Variants in COL24A1 observed in about 807,000 individuals in gnomAD.
COL24A1 encodes the protein collagen type XXIV alpha 1 chain.
Under a neutral mutation model 253.9 loss-of-function variants are expected in COL24A1, and 224 were observed. The ratio of observed to expected loss-of-function variants is 0.88; its 90% CI spans 0.79 to 0.99. COL24A1 has a LOEUF of 0.99. Among genes scored for constraint, COL24A1 ranks in the 50% least tolerant of loss-of-function variants. The probability of loss-of-function intolerance (pLI) is 0.00; values close to 1 mark genes in which losing one functional copy is unlikely to be tolerated. For missense variants in COL24A1, 2,131 were observed against 2,068.5 expected, an observed-to-expected ratio of 1.03 and a Z score of -0.59; for synonymous variants, 685 against 673.7, an observed-to-expected ratio of 1.02 and a Z score of -0.26.
chr1:85,745,588 A>C, intron 55 of COL24A1, 82 bp from the exon 56 acceptor site: 1 of 969,934 alleles, frequency 1.0e-6, no homozygotes, highest in Non-Finnish European at 1.6e-6. Flanking sequence ...TTCTGAAAGC[A>C]CTGCTGTTAA....
In COL24A1 at chr1:85,868,510, AG is replaced by A. The variant is rs761095907; in HGVS notation, c.3300+8del. 7 of 1,600,500 alleles carry A rather than the reference AG, an allele frequency of 4.4e-6. No individual in the cohort carries two copies. Among genetic ancestry groups the A allele is most frequent in the Non-Finnish European group, 6.0e-6 (7 of 1,167,754 alleles). ...CTTAGTATTTGAAAGTGAACCCAGC[AG>A]TACTTACCGGAAGGCCTGTTTGGCC... is the stretch of plus-strand genomic sequence containing the variant. On this transcript the variant is annotated splice_region_variant and intron_variant, in intron 37 of 59. Transcript: ENST00000370571.
At chr1:85,947,230 G>A (rs964156320) in intron 24 of COL24A1, among the ~76,000 whole-genome samples, 8 of 152,156 alleles carry the variant, frequency 5.3e-5, no homozygotes, top group African/African-American at 1.7e-4. Flanking sequence ...GAACTCAACT[G>A]ATCCTAGTTG....
chr1:85,846,214 T>C (rs954196735), intron 39 of COL24A1, among the ~76,000 whole-genome samples: 1 of 151,744 alleles, frequency 6.6e-6, no homozygotes, highest in Non-Finnish European at 1.5e-5. Flanking sequence ...CTACACCTTA[T>C]ATAAAAAAAT....
At chr1:85,858,641 TTCCTTCCTTCCTTCCTTCC>T in intron 37 of COL24A1, among the ~76,000 whole-genome samples, 1 of 146,908 alleles carries the variant, frequency 6.8e-6, no homozygotes, top group African/African-American at 2.5e-5. Context: ...CCTTCCTTCC[TTCCTTCCTTCCTTCCTTCC>T]TTCCTTCCTT....
intron 10 of COL24A1, among the ~76,000 whole-genome samples, chr1:86,052,918 G>A (rs1031660101): frequency 6.6e-6 from 1 of 151,854 alleles, no homozygotes; most frequent in South Asian, 2.1e-4. Context: ...GTTTTTCCTT[G>A]TCAAAGGTGC....
intron 32 of COL24A1, among the ~76,000 whole-genome samples, chr1:85,885,050 A>T (rs1682316181): frequency 6.6e-6 from 1 of 151,976 alleles, no homozygotes; most frequent in African/African-American, 2.4e-5. Flanking sequence ...CTGTCTCTCC[A>T]TTTTGGGGGC....
At chr1:85,893,254 A>G (rs1210944618) in intron 31 of COL24A1, among the ~76,000 whole-genome samples, 1 of 151,886 alleles carries the variant, frequency 6.6e-6, no homozygotes, top group Non-Finnish European at 1.5e-5. Context: ...TAGTATTACC[A>G]GGAGTAAAAA....
chr1:85,971,379 A>G lies in COL24A1; in HGVS notation c.2379T>C (p.Asn793=), dbSNP rs1327806742. Residue 793 remains asparagine (N), a synonymous_variant, in exon 21 of 60, where the codon AAT becomes AAC. Coordinates refer to ENST00000370571, the MANE Select transcript of COL24A1 (RefSeq NM_152890.7). ...GACCAGGAGGTCCAGGAGGTCCTCT[A>G]TTTCCAAGGAGTCCCTATAAAAGCA... is the stretch of plus-strand genomic sequence containing the variant. ...GPEGPKGLLG[N]RGPPGPPGLK... is the part of the protein sequence containing the mutation. 1.9e-6 allele frequency: 3 copies of G among 1,611,986 alleles called. No homozygotes were observed. Among genetic ancestry groups the G allele is most frequent in the Admixed American group, 1.7e-5 (1 of 59,696 alleles).
intron 32 of COL24A1, among the ~76,000 whole-genome samples, chr1:85,881,160 G>A (rs1681790205): frequency 6.6e-6 from 1 of 152,056 alleles, no homozygotes; most frequent in Non-Finnish European, 1.5e-5. Flanking sequence ...GAGATAACCT[G>A]GAACCAGTAC....
At position 85,775,702 on chromosome 1, in the gene COL24A1, C is replaced by T; in HGVS notation, c.4346G>A (p.Arg1449Lys). ...TTCACCTCTAAAGCCCTTTTCACCTCTGGGTCCCTAAAAGAAAAAAAAAAG... is the reference window on the plus strand; with the variant it reads ...TTCACCTCTAAAGCCCTTTTCACCTTTGGGTCCCTAAAAGAAAAAAAAAAG... ...IIGPTGRTGP[R>K]GEKGFRGETG... The change falls in exon 53 of 60, where the codon AGA becomes AAA. Residue 1449 changes from arginine to lysine, a missense_variant. Coordinates refer to ENST00000370571, the MANE Select transcript of COL24A1 (RefSeq NM_152890.7). 2.5e-6 allele frequency: 4 copies of T among 1,605,098 alleles called. No individual in the cohort carries two copies. The highest frequency in any genetic ancestry group is 2.5e-6 in the Non-Finnish European group (3 of 1,177,218).
chr1:85,748,752 G>T (rs540997941), intron 55 of COL24A1, among the ~76,000 whole-genome samples: 1 of 128,668 alleles, frequency 7.8e-6, no homozygotes, highest in Admixed American at 8.0e-5. Context: ...TTCCCTTTCC[G>T]AGTCAAAGAA....
chr1:86,086,355 T>C (rs1431429178), intron 7 of COL24A1, among the ~76,000 whole-genome samples: 1 of 152,090 alleles, frequency 6.6e-6, no homozygotes, highest in African/African-American at 2.4e-5. Context: ...ACCATGTGCA[T>C]GCACATGTCC....
At chr1:85,895,815 G>A (rs1309607247) in intron 31 of COL24A1, 43 bp downstream of exon 31, 2 of 1,529,362 alleles carry the variant, frequency 1.3e-6, no homozygotes, top group Admixed American at 3.7e-5. Flanking sequence ...CCCCAAAAAT[G>A]CAGATAAAAA....
intron 24 of COL24A1, among the ~76,000 whole-genome samples, chr1:85,939,344 A>G (rs1182657326): frequency 1.3e-5 from 2 of 152,160 alleles, no homozygotes; most frequent in East Asian, 3.8e-4. Context: ...CCTAATGTTC[A>G]CTGTAGTTTC....
At chr1:85,735,689 AGACT>A (rs1326208633) in intron 58 of COL24A1, among the ~76,000 whole-genome samples, 1 of 152,132 alleles carries the variant, frequency 6.6e-6, no homozygotes, top group East Asian at 1.9e-4. Flanking sequence ...AGACTTAAGA[AGACT>A]GACTGCACGT....
chr1:85,737,546 T>C, intron 57 of COL24A1, 41 bp from the exon 58 acceptor site: 1 of 1,333,052 alleles, frequency 7.5e-7, no homozygotes, highest in Non-Finnish European at 1.0e-6. Flanking sequence ...AGTTATTAAA[T>C]GCCATAATCC....
At chr1:85,973,594 A>AAT (rs1692387185) in intron 20 of COL24A1, among the ~76,000 whole-genome samples, 1 of 152,192 alleles carries the variant, frequency 6.6e-6, no homozygotes, top group African/African-American at 2.4e-5. Flanking sequence ...AAGAACATAC[A>AAT]ATATTAAGAT....
chr1:85,785,510 A>G (rs1669585943), intron 48 of COL24A1, among the ~76,000 whole-genome samples: 1 of 152,214 alleles, frequency 6.6e-6, no homozygotes, highest in East Asian at 1.9e-4. Flanking sequence ...GATCTTTCTT[A>G]TTGCAAATTC....
chr1:85,828,227 C>T (rs1272085549), intron 43 of COL24A1, among the ~76,000 whole-genome samples: 1 of 151,876 alleles, frequency 6.6e-6, no homozygotes, highest in East Asian at 1.9e-4. Context: ...TGTAGTTGAG[C>T]AGTTTTGAGT....
Sources: gnomAD v4.1 joint callset for allele counts (sites outside exome capture counted in the v4.1 genomes callset) on GRCh38, gnomAD v4.1.1 for gene constraint, MANE v1.5 for transcripts, NCBI Gene and HGNC (gene_info 2026-07-23, HGNC 2026-07-21) for gene names.